Variants in TTC7A observed in about 807,000 individuals in gnomAD.
TTC7A encodes the protein tetratricopeptide repeat protein 7A.
Under a neutral mutation model 103.7 loss-of-function variants are expected in TTC7A, and 110 were observed. The observed-to-expected ratio is 1.06, with a 90% CI of 0.91 to 1.24. TTC7A has a LOEUF of 1.24. TTC7A is among the 50% of genes most tolerant of loss of function. The pLI is 0.00. For synonymous variants in TTC7A, 521 were observed against 467.9 expected (o/e 1.11, Z -1.47); for missense variants, 1,340 against 1,116.3 (o/e 1.20, Z -2.86).
chr2:47,041,753 CAAAA>C (rs570586750), intron 15 of TTC7A, among the ~76,000 whole-genome samples: 1 of 80,014 alleles, frequency 1.2e-5, no homozygotes, highest in African/African-American at 4.3e-5. Context: ...AACTCCGTCT[CAAAA>C]AAAAAAAAAA....
At chr2:46,936,944 T>C (rs1287143679), upstream of TTC7A, among the ~76,000 whole-genome samples, 1 of 151,554 alleles carries the variant, frequency 6.6e-6, no homozygotes, top group Non-Finnish European at 1.5e-5. Context: ...AACCTCTGCC[T>C]CCTGGGCTCA....
chr2:46,955,058 G>C (rs192436607), intron 2 of TTC7A, among the ~76,000 whole-genome samples: 2 of 152,250 alleles, frequency 1.3e-5, no homozygotes, highest in East Asian at 3.9e-4. Flanking sequence ...CCATGTGCAG[G>C]ATAATGATAA....
intron 2 of TTC7A, among the ~76,000 whole-genome samples, chr2:46,955,519 G>C (rs919940904): frequency 2.0e-5 from 3 of 152,228 alleles, no homozygotes; most frequent in Non-Finnish European, 2.9e-5. Context: ...GCTTTCAGGA[G>C]AAGGTGGGCC....
At chr2:46,982,937 A>G (rs1432665453) in intron 5 of TTC7A, among the ~76,000 whole-genome samples, 2 of 152,202 alleles carry the variant, frequency 1.3e-5, no homozygotes, top group African/African-American at 4.8e-5. Context: ...ACTGCACTCC[A>G]GCCTGGGCCA....
rs2103887581 is a variant in TTC7A at position 46,941,597 on chromosome 2, G to C, written c.56G>C (p.Arg19Pro). Residue 19 changes from arginine to proline, a missense_variant, in exon 1 of 20, where the codon CGC becomes CCC. Physicochemically the swap from Arg to Pro is moderately radical, Grantham distance 103. Coordinates refer to ENST00000319190, the MANE Select transcript of TTC7A (RefSeq NM_020458.4). The surrounding 1 kb of genome is among the most constrained non-coding windows in gnomAD (Gnocchi z 4.2). Reference protein sequence around the residue: ...SYLKVESELERCRAEGHWDRM... With the variant: ...SYLKVESELEPCRAEGHWDRM... ...CTGAAGGTGGAGAGCGAGCTGGAGC[G>C]CTGCCGCGCCGAGGGCCACTGGGAC... 1 of 1,557,198 alleles carries C rather than the reference G, an allele frequency of 6.4e-7. No individual in the cohort carries two copies. Among genetic ancestry groups the C allele is most frequent in the Admixed American group, 1.9e-5 (1 of 52,016 alleles).
intron 15 of TTC7A, chr2:47,034,267 G>A (rs1292475764): frequency 6.6e-6 from 1 of 152,256 alleles, no homozygotes; most frequent in Non-Finnish European, 1.5e-5. Context: ...CAAGAGGCCA[G>A]GCCTGCAGGG....
intron 2 of TTC7A, among the ~76,000 whole-genome samples, chr2:46,952,175 C>T (rs944485515): frequency 5.3e-5 from 8 of 151,772 alleles, no homozygotes; most frequent in African/African-American, 1.7e-4. Flanking sequence ...CTTTTAGGCT[C>T]CTTGACAGGT....
intron 19 of TTC7A, among the ~76,000 whole-genome samples, chr2:47,061,291 C>T (rs1318548843): frequency 6.6e-6 from 1 of 152,194 alleles, no homozygotes; most frequent in Non-Finnish European, 1.5e-5. Context: ...CCCCAAAAGG[C>T]TCTCATTGTT....
intron 3 of TTC7A, among the ~76,000 whole-genome samples, chr2:46,958,209 G>A (rs1672057317): frequency 6.6e-6 from 1 of 152,192 alleles, no homozygotes; most frequent in African/African-American, 2.4e-5. Context: ...AAGATCCTTG[G>A]ATCCCTTTTC....
intron 15 of TTC7A, among the ~76,000 whole-genome samples, chr2:47,038,258 CAA>C (rs60342421): frequency 1.9e-3 from 242 of 128,296 alleles, no homozygotes; most frequent in African/African-American, 4.7e-3. Context: ...GACTCCATCT[CAA>C]AAAAAAAAAA....
chr2:46,990,976 G>A (rs556968145), intron 5 of TTC7A, among the ~76,000 whole-genome samples: 12 of 152,174 alleles, frequency 7.9e-5, no homozygotes, highest in African/African-American at 2.2e-4. Context: ...GCAGTGATGC[G>A]ATTTCAGCTC....
chr2:46,984,254 C>T (rs773188511), intron 5 of TTC7A, among the ~76,000 whole-genome samples: 2 of 152,246 alleles, frequency 1.3e-5, no homozygotes, highest in African/African-American at 2.4e-5. Flanking sequence ...TGTTACTGAG[C>T]TGAGCCCCTG....
chr2:46,937,361 C>A (rs995264858), upstream of TTC7A, among the ~76,000 whole-genome samples: 2 of 151,926 alleles, frequency 1.3e-5, no homozygotes, highest in African/African-American at 2.4e-5. This position sits in a 1 kb window ranked among gnomAD's most constrained non-coding sequence, Gnocchi z 4.0. Context: ...CTAGATACCC[C>A]AAAGCTCACT....
At chr2:46,915,910 G>C (rs1668753218), upstream of TTC7A, 1 of 985,050 alleles carries the variant, frequency 1.0e-6, no homozygotes, top group Non-Finnish European at 1.2e-6. Flanking sequence ...CGGGCTGTGA[G>C]GACGGCTCGC....
Position 47,073,904 on chromosome 2 carries a change from T to C in TTC7A, c.2558T>C (p.Ile853Thr). Residue 853 changes from isoleucine to threonine, a missense_variant, in exon 20 of 20, where the codon ATC (isoleucine) becomes ACC (threonine). By Grantham distance (89) the Ile-to-Thr change is moderately conservative (BLOSUM62 -1). Transcript: ENST00000319190. ...AGCAGCCCTGTACTGCCCTTCTCCATCATCCCCAGAGAGCTCTGACGACGC... is the reference window on the plus strand; with the variant it reads ...AGCAGCCCTGTACTGCCCTTCTCCACCATCCCCAGAGAGCTCTGACGACGC... ...EASSPVLPFS[I>T]IPREL 1 of 1,612,678 alleles carries C rather than the reference T, an allele frequency of 6.2e-7. No homozygotes were observed. Among genetic ancestry groups the C allele is most frequent in the Non-Finnish European group, 8.5e-7 (1 of 1,179,886 alleles).
chr2:47,028,500 A>T (rs573054102), intron 14 of TTC7A, among the ~76,000 whole-genome samples: 11 of 152,230 alleles, frequency 7.2e-5, no homozygotes, highest in African/African-American at 2.6e-4. Flanking sequence ...GCCCTCTTTC[A>T]TGCAGTGCTC....
chr2:46,972,333 C>G (rs761307388), intron 3 of TTC7A, among the ~76,000 whole-genome samples: 3 of 151,924 alleles, frequency 2.0e-5, no homozygotes, highest in Non-Finnish European at 2.9e-5. Flanking sequence ...TGTTTTTGGC[C>G]TTGAAGCTTT....
intron 11 of TTC7A, among the ~76,000 whole-genome samples, chr2:47,012,020 C>T (rs934426153): frequency 6.6e-6 from 1 of 152,222 alleles, no homozygotes; most frequent in Non-Finnish European, 1.5e-5. Context: ...GCCTTTAACC[C>T]CCCAGTTGGG....
At chr2:46,995,025 T>C in intron 7 of TTC7A, 111 bp from the exon 8 acceptor site, 1 of 953,352 alleles carries the variant, frequency 1.0e-6, no homozygotes, top group South Asian at 1.4e-5. Context: ...CAGGAAGAGG[T>C]CACCTTACCG....
Sources: gnomAD v4.1 joint callset for allele counts (sites outside exome capture counted in the v4.1 genomes callset) on GRCh38, gnomAD v4.1.1 for gene constraint, Gnocchi (gnomAD v3.1) non-coding constraint, MANE v1.5 for transcripts, NCBI Gene and HGNC (gene_info 2026-07-23, HGNC 2026-07-21) for gene names.